The following NSUN7 variants were observed in gnomAD, a reference collection of about 807,000 sequenced individuals.
The protein encoded by NSUN7 is NOP2/Sun RNA methyltransferase family member 7.
NSUN7 carries 39 observed loss-of-function variants against 58.5 expected under a neutral mutation model. That is an observed-to-expected ratio of 0.67 (90% CI 0.52 to 0.87). The LOEUF is 0.87. Ranked by LOEUF, NSUN7 falls within the 40% of genes least tolerant of loss-of-function variation. The pLI is 0.00. For missense variants in NSUN7, 765 were observed against 844.1 expected (o/e 0.91, Z 1.16); for synonymous variants, 278 against 303.7 (o/e 0.92, Z 0.88).
In NSUN7 at chr4:40,797,643, A is replaced by AG. The variant is rs561429142; in HGVS notation, c.1283-1144_1283-1143insG. On this transcript the variant is annotated intron_variant, in intron 9 of 11. Transcript: ENST00000381782. ...ATATCCAGCTACCTCCACCACTACCACGGTGTCCAAACCACCATCACCTCA... is the reference window on the plus strand; with the variant it reads ...ATATCCAGCTACCTCCACCACTACCAGCGGTGTCCAAACCACCATCACCTCA... 7.2e-4 allele frequency among the ~76,000 whole-genome samples: 110 copies of AG among 152,338 alleles called. 1 individual carries two copies. The highest frequency in any genetic ancestry group is 2.6e-3 in the African/African-American group (107 of 41,586).
At chr4:40,792,082 A>G (rs775008957) in intron 8 of NSUN7, among the ~76,000 whole-genome samples, 51 of 152,254 alleles carry the variant, frequency 3.3e-4, no homozygotes, top group Non-Finnish European at 6.3e-4. Flanking sequence ...CAGCCAAAGA[A>G]TAACCAATTC....
chr4:40,789,660 TTATTA>T (rs1381361911), intron 7 of NSUN7, among the ~76,000 whole-genome samples: 1 of 152,110 alleles, frequency 6.6e-6, no homozygotes, highest in African/African-American at 2.4e-5. Flanking sequence ...ACTTGAGAAT[TTATTA>T]TATTATTATG....
rs1229187439 is a variant in NSUN7 at position 40,809,072 on chromosome 4, T to A, written c.*133T>A. 1.1e-6 allele frequency: 1 copy of A among 944,952 alleles called. No homozygotes were observed. Among genetic ancestry groups the A allele is most frequent in the African/African-American group, 1.7e-5 (1 of 60,410 alleles). The allele number at this position is 944,952 out of a possible 1,614,324, so 58.5% of individuals were successfully genotyped here. A position where few individuals can be genotyped will look rare whatever the true frequency, so the allele number is the denominator to read the frequency against. On this transcript the variant is annotated 3_prime_UTR_variant, in exon 12 of 12. Coordinates refer to ENST00000381782, the MANE Select transcript of NSUN7 (RefSeq NM_024677.6). ...ACCTAGGGATCTTCTAAGTGTGATA[T>A]TACTTTCAGAGAATTCAGACAAGTG...
rs1742220544 is a variant in NSUN7 at position 40,775,472 on chromosome 4, A to T, written c.825+522A>T. The T allele has an allele frequency of 6.6e-6, 1 of 152,606 alleles. No individual in the cohort carries two copies. Among genetic ancestry groups the T allele is most frequent in the African/African-American group, 2.4e-5 (1 of 41,462 alleles). 9.5% of individuals were successfully genotyped at this position (152,606 alleles called of 1,614,324 possible). A position where few individuals can be genotyped will look rare whatever the true frequency, so the allele number is the denominator to read the frequency against. On this transcript the variant is annotated intron_variant, in intron 6 of 11. Transcript: ENST00000381782. This position sits in a 1 kb window ranked among gnomAD's most constrained non-coding sequence, Gnocchi z 4.3. Reference sequence around the variant, plus strand: ...TAAAAGGTATAAAAAAGTAGTTTAAATTCATTTTTACATCCTTAGATTCCA... The same window carrying T: ...TAAAAGGTATAAAAAAGTAGTTTAATTTCATTTTTACATCCTTAGATTCCA...
chr4:40,795,210 G>A (rs1743262351), intron 9 of NSUN7, among the ~76,000 whole-genome samples: 1 of 152,074 alleles, frequency 6.6e-6, no homozygotes, highest in African/African-American at 2.4e-5. Flanking sequence ...TATATTATAG[G>A]TACAGATCTG....
At chr4:40,800,803 TATTTATCTTATTTG>T (rs1257630605) in intron 10 of NSUN7, among the ~76,000 whole-genome samples, 2 of 152,252 alleles carry the variant, frequency 1.3e-5, no homozygotes, top group African/African-American at 2.4e-5. Flanking sequence ...CCTGCAGATT[TATTTATCTTATTTG>T]ATTTATGGAA....
chr4:40,791,402 GT>G (rs1743067900), intron 8 of NSUN7, among the ~76,000 whole-genome samples: 1 of 152,170 alleles, frequency 6.6e-6, no homozygotes, highest in East Asian at 1.9e-4. Context: ...ATTTCAGTAA[GT>G]CTTCACAAGA....
chr4:40,798,139 C>A (rs1188531659), intron 9 of NSUN7, among the ~76,000 whole-genome samples: 1 of 152,190 alleles, frequency 6.6e-6, no homozygotes, highest in East Asian at 1.9e-4. Flanking sequence ...TAGCATTGAT[C>A]ACTTAACAGT....
chr4:40,761,240 G>T lies in NSUN7; in HGVS notation c.427G>T (p.Val143Phe). The stretch of plus-strand genomic sequence containing the variant: ...CCAAGATAGAAAATTTCAAACTCGT[G>T]TCCTTTCTGATAATGAAGAGCCCAT... Reference protein sequence around the residue: ...DFQDRKFQTRVLSDNEEPISE... With the variant: ...DFQDRKFQTRFLSDNEEPISE... Residue 143 changes from valine to phenylalanine, a missense_variant, in exon 4 of 12, where the codon GTC becomes TTC. Transcript: ENST00000381782. 6.3e-7 allele frequency: 1 copy of T among 1,590,664 alleles called. No homozygotes were observed. Among genetic ancestry groups the T allele is most frequent in the Non-Finnish European group, 8.5e-7 (1 of 1,172,786 alleles).
chr4:40,796,048 G>A (rs1743310810), intron 9 of NSUN7, among the ~76,000 whole-genome samples: 1 of 152,142 alleles, frequency 6.6e-6, no homozygotes, highest in Non-Finnish European at 1.5e-5. Context: ...AAGACTCACA[G>A]CCTTGCCACT....
At position 40,799,073 on chromosome 4, in the gene NSUN7, C is replaced by CTTTT. The variant is rs761448412; in HGVS notation, c.1400+195_1400+198dup. ...AACCAAGATTCCATAGGGCCTTTTTCTTTTTTTTTTTTTTTTTTTTTTTTT... is the reference window on the plus strand; with the variant it reads ...AACCAAGATTCCATAGGGCCTTTTTCTTTTTTTTTTTTTTTTTTTTTTTTTTTTT... On this transcript the variant is annotated intron_variant, in intron 10 of 11. Coordinates refer to ENST00000381782, the MANE Select transcript of NSUN7 (RefSeq NM_024677.6). Among the ~76,000 whole-genome samples the CTTTT allele has an allele frequency of 5.8e-4, 44 of 76,186 alleles. 5 individuals are homozygous for CTTTT. Among genetic ancestry groups the CTTTT allele is most frequent in the Non-Finnish European group, 7.6e-4 (30 of 39,366 alleles). 50.0% of individuals were successfully genotyped at this position (76,186 alleles called of 152,430 possible).
chr4:40,808,029 CAAAA>C (rs397878278), intron 11 of NSUN7, among the ~76,000 whole-genome samples: 5 of 60,174 alleles, frequency 8.3e-5, no homozygotes, highest in African/African-American at 2.5e-4. Context: ...GACTCCATCT[CAAAA>C]AAAAAAAAAA....
chr4:40,774,277 A>G lies in NSUN7; in HGVS notation c.501A>G (p.Lys167=), dbSNP rs1446037309. The G allele has an allele frequency of 6.2e-7, 1 of 1,614,090 alleles. No individual in the cohort carries two copies. The highest frequency in any genetic ancestry group is 1.7e-5 in the Admixed American group (1 of 60,026). Residue 167 remains lysine (K), a synonymous_variant, in exon 5 of 12, where the codon AAA becomes AAG. Transcript: ENST00000381782. ...VENLLNSFKI[K]LAAALARCRI... is the part of the protein sequence containing the mutation. ...TTTCTGTCTCTAGTTTTAAGATAAA[A>G]TTGGCTGCAGCATTGGCAAGATGTC...
At chr4:40,770,835 G>T (rs1203881699) in intron 4 of NSUN7, among the ~76,000 whole-genome samples, 13 of 152,286 alleles carry the variant, frequency 8.5e-5, no homozygotes, top group African/African-American at 3.1e-4. Context: ...GGCGGATCGT[G>T]AGGTCAAGAG....
At chr4:40,796,188 T>C (rs924645330) in intron 9 of NSUN7, among the ~76,000 whole-genome samples, 1 of 152,126 alleles carries the variant, frequency 6.6e-6, no homozygotes, top group Non-Finnish European at 1.5e-5. Flanking sequence ...ACCCCATCTC[T>C]ACTAAAAATA....
Position 40,750,762 on chromosome 4 carries a change from T to C in NSUN7, c.69T>C (p.Thr23=). 1.2e-6 allele frequency: 2 copies of C among 1,614,162 alleles called. No homozygotes were observed. Among genetic ancestry groups the C allele is most frequent in the African/African-American group, 1.3e-5 (1 of 75,052 alleles). Residue 23 remains threonine (T), a synonymous_variant, in exon 2 of 12, where the codon ACT becomes ACC. Transcript: ENST00000381782. ...ATCCCGAGATCATCTCCCAACTCAC[T>C]TCCCTGCCTCTGTCCGGTGGGAAAA... The part of the protein sequence containing the change: ...EEDPEIISQL[T]SLPLSGGKSS...
chr4:40,767,388 C>T (rs1427983579), intron 4 of NSUN7, among the ~76,000 whole-genome samples: 2 of 152,192 alleles, frequency 1.3e-5, no homozygotes, highest in East Asian at 1.9e-4. Context: ...TGTAGTTGAG[C>T]GGTTTTGAGT....
chr4:40,764,436 T>A (rs1741613299), intron 4 of NSUN7, among the ~76,000 whole-genome samples: 1 of 151,984 alleles, frequency 6.6e-6, no homozygotes, highest in African/African-American at 2.4e-5. Context: ...TGCATAGTAT[T>A]CCATGGTGTA....
chr4:40,781,670 T>C (rs999010991), intron 7 of NSUN7, among the ~76,000 whole-genome samples: 2 of 152,226 alleles, frequency 1.3e-5, no homozygotes, highest in African/African-American at 4.8e-5. Flanking sequence ...GGTTGTGAAC[T>C]CCTCGGCTCA....
Sources: allele counts gnomAD v4.1 joint callset (sites outside exome capture counted in the v4.1 genomes callset), GRCh38; gene constraint gnomAD v4.1.1; non-coding constraint Gnocchi (gnomAD v3.1); transcripts MANE v1.5; gene names NCBI Gene and HGNC (gene_info 2026-07-23, HGNC 2026-07-21).